The following HACD2 variants were observed in gnomAD, a reference collection of about 807,000 sequenced individuals.
HACD2 encodes 3-hydroxyacyl-CoA dehydratase 2.
Under a neutral mutation model 31.0 loss-of-function variants are expected in HACD2, and 15 were observed. The ratio of observed to expected loss-of-function variants is 0.48; its 90% CI spans 0.32 to 0.75. The LOEUF is 0.75. HACD2 is among the 30% of genes least tolerant of loss of function. The pLI, the probability that HACD2 is intolerant of heterozygous loss-of-function variation, is 0.03. For missense variants in HACD2, 283 were observed against 313.0 expected (o/e 0.90, Z 0.72); for synonymous variants, 115 against 122.2 (o/e 0.94, Z 0.39).
chr3:123,524,573 A>C (rs1193836425), intron 4 of HACD2, among the ~76,000 whole-genome samples: 1 of 152,204 alleles, frequency 6.6e-6, no homozygotes, highest in African/African-American at 2.4e-5. Flanking sequence ...TTGAGGAGGA[A>C]AAGCACCTAT....
chr3:123,513,134 C>T (rs2056085014), intron 4 of HACD2, among the ~76,000 whole-genome samples: 1 of 152,080 alleles, frequency 6.6e-6, no homozygotes, highest in Non-Finnish European at 1.5e-5. Flanking sequence ...CTGGCCAAAT[C>T]CTAGATAGTT....
intron 3 of HACD2, among the ~76,000 whole-genome samples, chr3:123,540,741 G>A (rs2056479925): frequency 6.6e-6 from 1 of 152,074 alleles, no homozygotes; most frequent in South Asian, 2.1e-4. Context: ...TCACCAGCAA[G>A]AGCACATCAC....
Position 123,494,631 on chromosome 3 carries a change from G to C in HACD2, c.*257C>G. 2.0e-6 allele frequency: 1 copy of C among 490,842 alleles called. No homozygotes were observed. The highest frequency in any genetic ancestry group is 3.6e-6 in the Non-Finnish European group (1 of 278,106). 30.4% of individuals were successfully genotyped at this position (490,842 alleles called of 1,614,324 possible). A position where few individuals can be genotyped will look rare whatever the true frequency, so the allele number is the denominator to read the frequency against. Reference sequence around the variant, plus strand: ...ACATAAAATGCCAAATCCCTTTCTAGTGCCATCATAAATATTAAGAACTTC... The same window carrying C: ...ACATAAAATGCCAAATCCCTTTCTACTGCCATCATAAATATTAAGAACTTC... On this transcript the variant is annotated 3_prime_UTR_variant, in exon 7 of 7. Coordinates refer to ENST00000383657, the MANE Select transcript of HACD2 (RefSeq NM_198402.5).
chr3:123,504,542 A>G (rs1260111822), intron 4 of HACD2, among the ~76,000 whole-genome samples: 1 of 151,506 alleles, frequency 6.6e-6, no homozygotes, highest in Non-Finnish European at 1.5e-5. Flanking sequence ...AAAAAAAAAA[A>G]CAAACAAAAC....
intron 3 of HACD2, among the ~76,000 whole-genome samples, chr3:123,556,667 C>G (rs2056675707): frequency 6.6e-6 from 1 of 152,006 alleles, no homozygotes; most frequent in Non-Finnish European, 1.5e-5. Flanking sequence ...TTAAAAGAAT[C>G]AAAAGACAAG....
rs564464522 is a variant in HACD2 at position 123,506,818 on chromosome 3, C to A, written c.382-4137G>T. On this transcript the variant is annotated intron_variant, in intron 4 of 6. Coordinates refer to ENST00000383657, the MANE Select transcript of HACD2 (RefSeq NM_198402.5). ...TTTCTGTTAAGTGCCAGTGACTCAT[C>A]AATAGCCTCAGAGAAGTAAGAAAAG... Among the ~76,000 whole-genome samples the A allele has an allele frequency of 3.3e-5, 5 of 152,244 alleles. No homozygotes were observed. In the East Asian group the frequency reaches 9.6e-4, roughly 29 times the overall value.
chr3:123,525,701 T>C (rs2056273033), intron 4 of HACD2, among the ~76,000 whole-genome samples: 3 of 152,194 alleles, frequency 2.0e-5, no homozygotes. Flanking sequence ...TGAAGAATTC[T>C]TGTCCACTTT....
At chr3:123,506,294 G>A (rs1023951057) in intron 4 of HACD2, among the ~76,000 whole-genome samples, 3 of 152,210 alleles carry the variant, frequency 2.0e-5, no homozygotes, top group Non-Finnish European at 4.4e-5. Flanking sequence ...TGATGGCAAG[G>A]TCTTCAAGGG....
rs1007756980 is a variant in HACD2 at position 123,494,919 on chromosome 3, G to A, written c.734C>T (p.Ser245Phe). 30 of 1,560,802 alleles carry A rather than the reference G, an allele frequency of 1.9e-5. No homozygotes were observed. The South Asian group carries it at 2.4e-4, about 12-fold the overall frequency. ...AAATTTCTTGTGTTCTTCAGTATGA[G>A]AAAGGATCTTTCTTCTCTGGTGTAT... ...HMIHQRRKIL[S>F]HTEEHKKFE Residue 245 changes from serine to phenylalanine, a missense_variant, in exon 7 of 7, where the codon TCT becomes TTT. Physicochemically the swap from Ser to Phe is radical, Grantham distance 155. This residue lies in a region of HACD2 where 40 missense variants were observed against 35.1 expected (regional missense o/e 1.14). Coordinates refer to ENST00000383657, the MANE Select transcript of HACD2 (RefSeq NM_198402.5).
At chr3:123,526,823 C>T (rs2056290781) in intron 4 of HACD2, among the ~76,000 whole-genome samples, 1 of 152,180 alleles carries the variant, frequency 6.6e-6, no homozygotes, top group Admixed American at 6.5e-5. Flanking sequence ...ACAGGAAATC[C>T]TGGCAAATGT....
intron 4 of HACD2, among the ~76,000 whole-genome samples, chr3:123,522,674 T>TG (rs2056231853): frequency 6.6e-6 from 1 of 151,702 alleles, no homozygotes; most frequent in Non-Finnish European, 1.5e-5. Context: ...TTTTTTTTTT[T>TG]TTACCTTTAA....
intron 3 of HACD2, among the ~76,000 whole-genome samples, chr3:123,539,284 T>A (rs1013005268): frequency 2.8e-4 from 43 of 152,116 alleles, no homozygotes; most frequent in African/African-American, 8.9e-4. Flanking sequence ...AAAAAACACA[T>A]ATGGGGCCGG....
chr3:123,521,283 T>C lies in HACD2; in HGVS notation c.381+7103A>G, dbSNP rs147851191. 6.8e-3 allele frequency among the ~76,000 whole-genome samples: 1,031 copies of C among 152,226 alleles called. 15 individuals are homozygous for C. Among genetic ancestry groups the C allele is most frequent in the African/African-American group, 0.024 (991 of 41,532 alleles). On this transcript the variant is annotated intron_variant, in intron 4 of 6. Coordinates refer to ENST00000383657, the MANE Select transcript of HACD2 (RefSeq NM_198402.5). ...AAAATGCTAAATGCACTGAAAAACC[T>C]ATAATCTGGAAGTCCTGGGGCAGAG...
chr3:123,502,542 T>C lies in HACD2; in HGVS notation c.503+18A>G, dbSNP rs374451408. ...CAGATCATTTCAAAAGTGAGCCTTT[T>C]GAAATGTGCTTTTTTACCTGGCCCA... On this transcript the variant is annotated intron_variant, in intron 5 of 6. Coordinates refer to ENST00000383657, the MANE Select transcript of HACD2 (RefSeq NM_198402.5). The C allele has an allele frequency of 1.2e-6, 2 of 1,609,220 alleles. No individual in the cohort carries two copies. Among genetic ancestry groups the C allele is most frequent in the African/African-American group, 1.3e-5 (1 of 74,884 alleles).
At position 123,568,618 on chromosome 3, in the gene HACD2, C is replaced by T. The variant is rs116251772; in HGVS notation, c.274-838G>A. Among the ~76,000 whole-genome samples the T allele has an allele frequency of 6.1e-4, 93 of 152,246 alleles. 1 individual carries two copies. In the South Asian group the frequency reaches 0.019, roughly 31 times the overall value. On this transcript the variant is annotated intron_variant, in intron 2 of 6. Transcript: ENST00000383657. ...TGGCCATCCAACTGGCAAATTAAGTCCTTCTAAATCCCCTTCCAACTCATC... is the reference window on the plus strand; with the variant it reads ...TGGCCATCCAACTGGCAAATTAAGTTCTTCTAAATCCCCTTCCAACTCATC...
rs549300905 is a variant in HACD2, at chr3:123,577,678, A to AAGAT, written c.273+4530_273+4533dup. On this transcript the variant is annotated intron_variant, in intron 2 of 6. Transcript: ENST00000383657. ...TATAATTACAGTCTTATGTTAACCA[A>AAGAT]AGATATTTAGAAACCCAAATTCTCT... Among the ~76,000 whole-genome samples the AAGAT allele has an allele frequency of 3.9e-5, 6 of 152,238 alleles. No homozygotes were observed. In the South Asian group the frequency reaches 1.2e-3, roughly 32 times the overall value.
chr3:123,545,211 G>A (rs2107724982), intron 3 of HACD2, among the ~76,000 whole-genome samples: 1 of 149,624 alleles, frequency 6.7e-6, no homozygotes, highest in East Asian at 2.0e-4. Flanking sequence ...GTCAGGCGCA[G>A]TGGCTCACGC....
intron 4 of HACD2, among the ~76,000 whole-genome samples, chr3:123,521,600 CA>C (rs550514768): frequency 0.14 from 16,218 of 118,124 alleles, 1,258 homozygotes; most frequent in African/African-American, 0.28. Flanking sequence ...GTGAGAGAGC[CA>C]AAAAAAAAAA....
At chr3:123,570,032 C>T (rs1261444002) in intron 2 of HACD2, among the ~76,000 whole-genome samples, 3 of 90,892 alleles carry the variant, frequency 3.3e-5, no homozygotes, top group Admixed American at 2.6e-4. Flanking sequence ...AAAAAAAAGA[C>T]ATCCAGGCTG....
Sources: gnomAD v4.1 joint callset for allele counts (sites outside exome capture counted in the v4.1 genomes callset) on GRCh38, gnomAD v4.1.1 for gene constraint, gnomAD v4.1.1 regional missense constraint, MANE v1.5 for transcripts, NCBI Gene and HGNC (gene_info 2026-07-23, HGNC 2026-07-21) for gene names.